The following MACROD2 variants were observed in gnomAD, a reference collection of about 807,000 sequenced individuals.
The protein encoded by MACROD2 is mono-ADP ribosylhydrolase 2.
In MACROD2, 36 loss-of-function variants were observed where a neutral mutation model predicts 70.4. The observed-to-expected ratio is 0.51, with a 90% CI of 0.39 to 0.68. The LOEUF (loss-of-function observed/expected upper bound fraction) is 0.68. MACROD2 is among the 30% of genes least tolerant of loss of function. The pLI is 0.00. For synonymous variants in MACROD2, 172 were observed against 178.8 expected, an observed-to-expected ratio of 0.96 and a Z score of 0.30; for missense variants, 496 against 538.4, an observed-to-expected ratio of 0.92 and a Z score of 0.78.
chr20:15,772,933 C>A (rs139237186), intron 8 of MACROD2, among the ~76,000 whole-genome samples: 2 of 152,160 alleles, frequency 1.3e-5, no homozygotes, highest in Admixed American at 1.3e-4. Context: ...CTCACTATGA[C>A]GAGGAGAGCA....
intron 3 of MACROD2, among the ~76,000 whole-genome samples, chr20:14,280,646 G>A (rs978762016): frequency 2.0e-5 from 3 of 152,154 alleles, no homozygotes; most frequent in Admixed American, 6.5e-5. Flanking sequence ...TAAAGCTTGT[G>A]TGTTTGATGA....
At chr20:15,124,346 C>T (rs1397932350) in intron 5 of MACROD2, among the ~76,000 whole-genome samples, 1 of 98,374 alleles carries the variant, frequency 1.0e-5, no homozygotes, top group Non-Finnish European at 2.0e-5. Context: ...TATTTAATTT[C>T]CTAGTTTTTT....
At chr20:14,348,405 T>A (rs6033946) in intron 3 of MACROD2, among the ~76,000 whole-genome samples, 11,059 of 152,116 alleles carry the variant, frequency 0.073, 657 homozygotes, top group African/African-American at 0.17. Flanking sequence ...AAAGAAAATA[T>A]CAAGAAGGAA....
At chr20:15,752,405 G>A (rs2051286475) in intron 8 of MACROD2, among the ~76,000 whole-genome samples, 2 of 152,016 alleles carry the variant, frequency 1.3e-5, no homozygotes, top group Admixed American at 6.6e-5. Context: ...CCCTGCTCCT[G>A]TCAAGACAAA....
chr20:15,206,153 T>C (rs772754621), intron 5 of MACROD2, among the ~76,000 whole-genome samples: 5 of 152,350 alleles, frequency 3.3e-5, no homozygotes, highest in Middle Eastern at 3.4e-3. Context: ...AAAAAAACTT[T>C]CAAACTACGT....
chr20:15,326,101 T>A (rs1296150682), intron 6 of MACROD2, among the ~76,000 whole-genome samples: 2 of 149,442 alleles, frequency 1.3e-5, no homozygotes, highest in Non-Finnish European at 2.9e-5. Flanking sequence ...TTTTTCATAT[T>A]TTCAGAGATG....
chr20:15,395,660 C>G (rs867036678), intron 6 of MACROD2, among the ~76,000 whole-genome samples: 2 of 152,110 alleles, frequency 1.3e-5, no homozygotes, highest in Non-Finnish European at 2.9e-5. Flanking sequence ...TGTTGTTTCC[C>G]GACCCCCAAA....
At chr20:14,387,478 A>G (rs2083481276) in intron 3 of MACROD2, among the ~76,000 whole-genome samples, 1 of 152,256 alleles carries the variant, frequency 6.6e-6, no homozygotes, top group African/African-American at 2.4e-5. Flanking sequence ...CCTAGATCCA[A>G]TAAGAAAATA....
At chr20:14,181,776 A>G (rs758805059) in intron 3 of MACROD2, among the ~76,000 whole-genome samples, 10 of 152,160 alleles carry the variant, frequency 6.6e-5, no homozygotes, top group Non-Finnish European at 8.8e-5. Flanking sequence ...TTTACCTAGC[A>G]TAATGCTTTG....
chr20:15,519,046 A>G (rs2146525675), intron 8 of MACROD2, among the ~76,000 whole-genome samples: 1 of 149,186 alleles, frequency 6.7e-6, no homozygotes, highest in African/African-American at 2.5e-5. Context: ...AGGAACTGTT[A>G]ACTCGCTCTT....
chr20:14,883,479 T>G (rs1467793042), intron 5 of MACROD2, among the ~76,000 whole-genome samples: 2 of 152,132 alleles, frequency 1.3e-5, no homozygotes, highest in African/African-American at 4.8e-5. Context: ...TTGAAGTGAA[T>G]TTTTCATGCC....
At chr20:14,978,436 C>T (rs1200142106) in intron 5 of MACROD2, among the ~76,000 whole-genome samples, 17 of 143,012 alleles carry the variant, frequency 1.2e-4, no homozygotes, top group Non-Finnish European at 2.4e-4. Flanking sequence ...TATCAGTAAC[C>T]ACTAAGGAGT....
At chr20:15,199,375 C>A (rs1273359163) in intron 5 of MACROD2, among the ~76,000 whole-genome samples, 3 of 151,932 alleles carry the variant, frequency 2.0e-5, no homozygotes, top group Non-Finnish European at 4.4e-5. Context: ...AAAAAACAAA[C>A]AACAACAACA....
At chr20:15,026,520 A>T (rs532015562) in intron 5 of MACROD2, among the ~76,000 whole-genome samples, 85 of 150,804 alleles carry the variant, frequency 5.6e-4, no homozygotes, top group African/African-American at 1.8e-3. Flanking sequence ...TATATTTTTT[A>T]TTTATTTATT....
At chr20:15,406,963 G>A (rs552424126) in intron 6 of MACROD2, among the ~76,000 whole-genome samples, 1 of 152,318 alleles carries the variant, frequency 6.6e-6, no homozygotes, top group South Asian at 2.1e-4. Context: ...GATTGAGCAA[G>A]GCTGTTCCCC....
chr20:14,948,971 A>G (rs1260704442), intron 5 of MACROD2, among the ~76,000 whole-genome samples: 2 of 152,210 alleles, frequency 1.3e-5, no homozygotes, highest in African/African-American at 4.8e-5. Flanking sequence ...ATATGAGTAG[A>G]TAGAACTATT....
At chr20:14,533,545 A>G (rs2085330547) in intron 4 of MACROD2, among the ~76,000 whole-genome samples, 1 of 152,228 alleles carries the variant, frequency 6.6e-6, no homozygotes, top group African/African-American at 2.4e-5. Flanking sequence ...ATCTTGAAAA[A>G]AGAAAAAGAG....
At position 15,265,052 on chromosome 20, in the gene MACROD2, T is replaced by A. The variant is rs534897403; in HGVS notation, c.540+34991T>A. On this transcript the variant is annotated intron_variant, in intron 6 of 17. Coordinates refer to ENST00000684519, the MANE Select transcript of MACROD2 (RefSeq NM_001351661.2). ...AAAATCATTACATGAATTAATCAGA[T>A]CTTGATGTTCTTTTAACAGTATGGC... Among the ~76,000 whole-genome samples, 3 of 152,320 alleles carry A rather than the reference T, an allele frequency of 2.0e-5. No homozygotes were observed. The South Asian group carries it at 6.2e-4, about 32-fold the overall frequency.
Position 14,248,669 on chromosome 20 carries a change from T to C in MACROD2, c.271+162941T>C, listed in dbSNP as rs552286924. 4.0e-5 allele frequency among the ~76,000 whole-genome samples: 6 copies of C among 151,828 alleles called. No individual in the cohort carries two copies. The South Asian group carries it at 1.0e-3, about 26-fold the overall frequency. ...AAAATGCATATAAAGCATAAATAGA[T>C]TTTGGGTTTAGACTTATATCCCATC... is the stretch of plus-strand genomic sequence containing the variant. On this transcript the variant is annotated intron_variant, in intron 3 of 17. Transcript: ENST00000684519.
Sources: allele counts gnomAD v4.1 joint callset (sites outside exome capture counted in the v4.1 genomes callset), GRCh38; gene constraint gnomAD v4.1.1; transcripts MANE v1.5; gene names NCBI Gene and HGNC (gene_info 2026-07-23, HGNC 2026-07-21).